The following SMARCA2 variants were observed in gnomAD, a reference collection of about 807,000 sequenced individuals.
SMARCA2 encodes the protein SWI/SNF-related matrix-associated actin-dependent regulator of chromatin subfamily A member 2.
SMARCA2 carries 61 observed loss-of-function variants against 199.8 expected under a neutral mutation model. The ratio of observed to expected loss-of-function variants is 0.31; its 90% confidence interval spans 0.25 to 0.38. SMARCA2 has a LOEUF of 0.38. Among genes scored for constraint, SMARCA2 ranks in the 10% least tolerant of loss-of-function variants. The pLI, the probability that SMARCA2 is intolerant of heterozygous loss-of-function variation, is 1.00. For synonymous variants in SMARCA2, 935 were observed against 732.0 expected (o/e 1.28, Z -4.48); for missense variants, 1,344 against 2,012.2 (o/e 0.67, Z 6.35).
At chr9:2,065,926 C>G (rs555034858) in intron 9 of SMARCA2, among the ~76,000 whole-genome samples, 3 of 152,294 alleles carry the variant, frequency 2.0e-5, no homozygotes, top group African/African-American at 7.2e-5. Context: ...TCCTGTTTAA[C>G]TGGATTGACC....
At chr9:2,036,346 C>A (rs1398091008) in intron 3 of SMARCA2, among the ~76,000 whole-genome samples, 2 of 152,064 alleles carry the variant, frequency 1.3e-5, no homozygotes, top group African/African-American at 4.8e-5. Context: ...GGAAAGAAAA[C>A]TGCCACTTTT....
At chr9:2,027,725 A>C (rs546062666) in intron 1 of SMARCA2, 1 of 152,204 alleles carries the variant, frequency 6.6e-6, no homozygotes, top group Non-Finnish European at 1.5e-5. Context: ...GAGCCCTGCT[A>C]TGGTGACTAG....
intron 4 of SMARCA2, among the ~76,000 whole-genome samples, chr9:2,046,889 A>G (rs1038286151): frequency 4.6e-5 from 7 of 152,194 alleles, no homozygotes; most frequent in Non-Finnish European, 8.8e-5. Context: ...TAGTTTCCTT[A>G]ATCAATTGTA....
chr9:2,162,048 C>G, intron 28 of SMARCA2, 145 bp downstream of exon 28: 1 of 601,948 alleles, frequency 1.7e-6, no homozygotes, highest in Non-Finnish European at 2.8e-6. Context: ...CTCTTTGTAC[C>G]TGTTTAAAAT....
At chr9:2,125,167 C>T (rs904369621) in intron 27 of SMARCA2, among the ~76,000 whole-genome samples, 2 of 152,116 alleles carry the variant, frequency 1.3e-5, no homozygotes, top group Non-Finnish European at 2.9e-5. Context: ...GGGACGTGAC[C>T]TGAATTTTGA....
intron 27 of SMARCA2, chr9:2,158,993 T>A (rs1228710038): frequency 6.2e-7 from 1 of 1,611,624 alleles, no homozygotes; most frequent in Non-Finnish European, 8.5e-7. Context: ...GTACTTTGTG[T>A]GTTTCCTTGT....
intron 29 of SMARCA2, among the ~76,000 whole-genome samples, chr9:2,172,366 G>C (rs1826297219): frequency 6.6e-6 from 1 of 151,994 alleles, no homozygotes; most frequent in Non-Finnish European, 1.5e-5. Flanking sequence ...TGGGGCAGGA[G>C]TGGAGAGCGC....
Position 2,114,687 on chromosome 9 carries a change from A to T in SMARCA2, c.3457-1135A>T, listed in dbSNP as rs553527848. Among the ~76,000 whole-genome samples, 2 of 152,328 alleles carry T rather than the reference A, an allele frequency of 1.3e-5. 1 individual carries two copies. Among genetic ancestry groups the T allele is most frequent in the South Asian group, 4.1e-4 (2 of 4,822 alleles). ...TTAGGTAATTCTGTTTCATGGGCTC[A>T]TGAAGGTTTTTATTTAAAAATTTCA... is the stretch of plus-strand genomic sequence containing the variant. On this transcript the variant is annotated intron_variant, in intron 24 of 33. Coordinates refer to ENST00000349721, the MANE Select transcript of SMARCA2 (RefSeq NM_003070.5).
At position 2,050,178 on chromosome 9, in the gene SMARCA2, G is replaced by A. The variant is rs147080141; in HGVS notation, c.1046+2694G>A. Among the ~76,000 whole-genome samples, 5 of 152,196 alleles carry A rather than the reference G, an allele frequency of 3.3e-5. No homozygotes were observed. In the East Asian group the frequency reaches 9.6e-4, roughly 29 times the overall value. On this transcript the variant is annotated intron_variant, in intron 5 of 33. Transcript: ENST00000349721. ...AGCATAAATAAATGTCTGCCTATGA[G>A]CACTTTGCTGCAGCTCTGTACAAGC...
chr9:2,070,357 CA>C (rs1821035792), intron 9 of SMARCA2, 60 bp from the exon 10 acceptor site: 6 of 1,367,900 alleles, frequency 4.4e-6, no homozygotes, highest in Non-Finnish European at 6.3e-6. Context: ...GGAGAGTTAC[CA>C]GGAAGTCCTG....
In SMARCA2 at chr9:2,161,796, T is replaced by A; in HGVS notation, c.4092T>A (p.Ala1364=). 6.2e-7 allele frequency: 1 copy of A among 1,614,004 alleles called. No individual in the cohort carries two copies. The highest frequency in any genetic ancestry group is 8.5e-7 in the Non-Finnish European group (1 of 1,179,936). Reference sequence around the variant, plus strand: ...CTGCAAAAGAAGATGTGGAAAAAGCTAAGAAGAGAAGAGGCCGCCCTCCCG... The same window carrying A: ...CTGCAAAAGAAGATGTGGAAAAAGCAAAGAAGAGAAGAGGCCGCCCTCCCG... ...KDPAKEDVEK[A]KKRRGRPPAE... is the part of the protein sequence containing the mutation. The change falls in exon 28 of 34, where the codon GCT becomes GCA. Residue 1364 remains alanine, a synonymous_variant. Coordinates refer to ENST00000349721, the MANE Select transcript of SMARCA2 (RefSeq NM_003070.5). This position sits in a 1 kb window ranked among gnomAD's most constrained non-coding sequence, Gnocchi z 4.7.
At chr9:2,179,808 G>T (rs1241076489) in intron 29 of SMARCA2, among the ~76,000 whole-genome samples, 4 of 152,208 alleles carry the variant, frequency 2.6e-5, no homozygotes, top group Admixed American at 2.6e-4. Flanking sequence ...GGAGAGTCAG[G>T]TGTTAAATCC....
intron 19 of SMARCA2, among the ~76,000 whole-genome samples, chr9:2,091,306 C>T (rs1446299365): frequency 2.0e-5 from 3 of 152,172 alleles, no homozygotes; most frequent in African/African-American, 7.2e-5. Flanking sequence ...GCCACTCATC[C>T]GTTCTCCATC....
chr9:2,098,704 G>A (rs1246943501), intron 21 of SMARCA2, among the ~76,000 whole-genome samples: 3 of 152,162 alleles, frequency 2.0e-5, no homozygotes, highest in Non-Finnish European at 4.4e-5. Flanking sequence ...GGGAGGCCGA[G>A]GCAGGAAGAT....
rs1819129818 is a variant in SMARCA2, at chr9:2,032,806, T to G, written c.226-146T>G. On this transcript the variant is annotated intron_variant, in intron 2 of 33. Transcript: ENST00000349721. ...ACTTACAGATAGTTTGCTGATCCTT[T>G]TGGTCTAGTCTCTTTTTTTAACTCT... 5.0e-6 allele frequency: 3 copies of G among 599,616 alleles called. No homozygotes were observed. The Admixed American group carries it at 1.0e-4, about 20-fold the overall frequency. The allele number at this position is 599,616 out of a possible 1,614,324, so 37.1% of individuals were successfully genotyped here. A position where few individuals can be genotyped will look rare whatever the true frequency, so the allele number is the denominator to read the frequency against.
intron 23 of SMARCA2, among the ~76,000 whole-genome samples, chr9:2,108,374 C>T (rs1822852076): frequency 6.6e-6 from 1 of 152,164 alleles, no homozygotes; most frequent in African/African-American, 2.4e-5. Context: ...AAAGAGAAAA[C>T]AAAAATAACA....
At chr9:2,183,416 G>A (rs1030826297) in intron 31 of SMARCA2, among the ~76,000 whole-genome samples, 4 of 152,202 alleles carry the variant, frequency 2.6e-5, no homozygotes, top group Non-Finnish European at 4.4e-5. Context: ...TAACCAAGGT[G>A]AGGGCACTTT....
intron 27 of SMARCA2, among the ~76,000 whole-genome samples, chr9:2,125,662 A>T (rs899400129): frequency 6.6e-6 from 1 of 151,856 alleles, no homozygotes; most frequent in East Asian, 1.9e-4. Context: ...GCTAATTTTT[A>T]TATTTTTAGT....
chr9:2,192,840 A>G lies in SMARCA2; in HGVS notation c.*101A>G, dbSNP rs749591740. On this transcript the variant is annotated 3_prime_UTR_variant, in exon 34 of 34. Coordinates refer to ENST00000349721, the MANE Select transcript of SMARCA2 (RefSeq NM_003070.5). ...GTCATATAGGCACTGGGTTGTTTCT[A>G]TATCATCATCGTCTATAAACTAGCT... 2.8e-5 allele frequency: 23 copies of G among 832,546 alleles called. No homozygotes were observed. The highest frequency in any genetic ancestry group is 2.2e-4 in the African/African-American group (13 of 58,672). The allele number at this position is 832,546 out of a possible 1,614,324, so 51.6% of individuals were successfully genotyped here. A position where few individuals can be genotyped will look rare whatever the true frequency, so the allele number is the denominator to read the frequency against.
Sources: gnomAD v4.1 joint callset for allele counts (sites outside exome capture counted in the v4.1 genomes callset) on GRCh38, gnomAD v4.1.1 for gene constraint, Gnocchi (gnomAD v3.1) non-coding constraint, MANE v1.5 for transcripts, NCBI Gene and HGNC (gene_info 2026-07-23, HGNC 2026-07-21) for gene names.